The following RGS6 variants were observed in gnomAD, a reference collection of about 807,000 sequenced individuals.
RGS6 encodes the protein regulator of G protein signaling 6, also known as regulator of G-protein signaling 6.
A neutral mutation model predicts 78.5 loss-of-function variants in RGS6; 30 were observed. That is an observed-to-expected ratio of 0.38 (90% CI 0.29 to 0.52). RGS6 has a LOEUF of 0.52. RGS6 is among the 20% of genes least tolerant of loss of function. The probability of loss-of-function intolerance (pLI) is 0.85; values close to 1 mark genes in which losing one functional copy is unlikely to be tolerated. For synonymous variants in RGS6, 206 were observed against 206.0 expected (o/e 1.00, Z 0.00); for missense variants, 495 against 609.7 (o/e 0.81, Z 1.98).
chr14:71,917,070 G>C, the RGS6 span, among the ~76,000 whole-genome samples: 1 of 152,184 alleles, frequency 6.6e-6, no homozygotes, highest in African/African-American at 2.4e-5. Flanking sequence ...TCATCACTTT[G>C]GGACTGCACT....
At chr14:72,547,455 G>GA (rs58121462) in intron 17 of RGS6, 30,046 of 816,636 alleles carry the variant, frequency 0.037, 866 homozygotes, top group East Asian at 0.12. Flanking sequence ...TTAAAATAGT[G>GA]ATGAGTGTCC....
chr14:72,250,518 A>G (rs2055474876), intron 2 of RGS6, among the ~76,000 whole-genome samples: 2 of 152,160 alleles, frequency 1.3e-5, no homozygotes, highest in East Asian at 3.8e-4. Flanking sequence ...TATCTGAGAA[A>G]GAAGGGGAAA....
chr14:72,019,317 T>A (rs1212875676), intron 2 of RGS6, among the ~76,000 whole-genome samples: 2 of 152,224 alleles, frequency 1.3e-5, no homozygotes, highest in Non-Finnish European at 2.9e-5. Context: ...CTATTTTCCA[T>A]CTAACACTCC....
chr14:72,292,398 C>T (rs1212985297), intron 2 of RGS6, among the ~76,000 whole-genome samples: 1 of 152,142 alleles, frequency 6.6e-6, no homozygotes, highest in African/African-American at 2.4e-5. Flanking sequence ...TCTGGCTGGA[C>T]AGGAGAAATT....
intron 2 of RGS6, among the ~76,000 whole-genome samples, chr14:72,226,067 G>A (rs2048059308): frequency 2.6e-5 from 4 of 152,152 alleles, no homozygotes; most frequent in Admixed American, 1.3e-4. Context: ...GTTTAAGGGT[G>A]TTTAGATGTA....
At chr14:72,354,347 C>T (rs529352640) in intron 3 of RGS6, among the ~76,000 whole-genome samples, 12 of 151,814 alleles carry the variant, frequency 7.9e-5, no homozygotes, top group South Asian at 2.1e-4. Flanking sequence ...GATAGGGGGC[C>T]GGGTGCCGTG....
intron 16 of RGS6, among the ~76,000 whole-genome samples, chr14:72,538,551 C>A (rs1397511950): frequency 6.6e-6 from 1 of 152,206 alleles, no homozygotes; most frequent in African/African-American, 2.4e-5. Context: ...CCAATGGCCA[C>A]CCTCTGTGAG....
rs75736325 is a variant in RGS6 at position 71,956,408 on chromosome 14, G to A, written c.-20-8364G>A. Among the ~76,000 whole-genome samples the A allele has an allele frequency of 5.3e-5, 8 of 151,558 alleles. No individual in the cohort carries two copies. In the East Asian group the frequency reaches 5.8e-4, roughly 11 times the overall value. On this transcript the variant is annotated intron_variant, in intron 1 of 17. Coordinates refer to ENST00000553525, the MANE Select transcript of RGS6 (RefSeq NM_001204424.2). ...AGTATATATATAACAGTGTGTGTGT[G>A]TATATATATGTAGGAGTTTATTAAG...
At chr14:72,154,513 G>A (rs892056107) in intron 2 of RGS6, among the ~76,000 whole-genome samples, 2 of 152,122 alleles carry the variant, frequency 1.3e-5, no homozygotes, top group African/African-American at 4.8e-5. Context: ...TGTTTGGGGG[G>A]GGTCCCTGAC....
chr14:72,144,506 T>C (rs1214055270), intron 2 of RGS6, among the ~76,000 whole-genome samples: 3 of 152,250 alleles, frequency 2.0e-5, no homozygotes, highest in Non-Finnish European at 4.4e-5. Flanking sequence ...AAGTCTTTTA[T>C]TCTGCAAGAG....
chr14:71,965,762 A>G (rs544884208), intron 2 of RGS6, among the ~76,000 whole-genome samples: 2 of 152,108 alleles, frequency 1.3e-5, no homozygotes, highest in African/African-American at 4.8e-5. Context: ...AGGCTCTAGG[A>G]GAGAGATTTC....
chr14:72,460,268 A>G (rs1030893402), intron 6 of RGS6, among the ~76,000 whole-genome samples: 3 of 152,330 alleles, frequency 2.0e-5, no homozygotes, highest in African/African-American at 7.2e-5. Flanking sequence ...AGTGGAGATT[A>G]TTTAATATTC....
At chr14:71,955,174 C>A (rs1381305622) in intron 1 of RGS6, among the ~76,000 whole-genome samples, 1 of 152,190 alleles carries the variant, frequency 6.6e-6, no homozygotes, top group Non-Finnish European at 1.5e-5. Flanking sequence ...TCCCTAACTA[C>A]TATTCCTCAG....
At chr14:72,127,202 A>C (rs539571435) in intron 2 of RGS6, among the ~76,000 whole-genome samples, 1 of 152,330 alleles carries the variant, frequency 6.6e-6, no homozygotes, top group African/African-American at 2.4e-5. Context: ...AGTTATAAAA[A>C]TAGGAAAAAA....
the RGS6 span, among the ~76,000 whole-genome samples, chr14:71,927,132 A>G: frequency 6.6e-6 from 1 of 152,192 alleles, no homozygotes; most frequent in Non-Finnish European, 1.5e-5. Flanking sequence ...GGTCCAAACA[A>G]CTGGCATGAA....
chr14:72,022,098 C>T (rs973889767), intron 2 of RGS6, among the ~76,000 whole-genome samples: 1 of 152,146 alleles, frequency 6.6e-6, no homozygotes, highest in Non-Finnish European at 1.5e-5. Flanking sequence ...CCACAAGAGA[C>T]ATGATCTTGT....
At chr14:72,338,043 C>G (rs142910780) in intron 2 of RGS6, among the ~76,000 whole-genome samples, 1 of 152,190 alleles carries the variant, frequency 6.6e-6, no homozygotes, top group East Asian at 1.9e-4. Flanking sequence ...TTTGCCTGAG[C>G]CTGCATAGCT....
At chr14:72,281,220 C>G (rs1213459297) in intron 2 of RGS6, among the ~76,000 whole-genome samples, 1 of 147,910 alleles carries the variant, frequency 6.8e-6, no homozygotes, top group Admixed American at 6.8e-5. Context: ...GCAATCTCAG[C>G]TCACTGTAGC....
intron 2 of RGS6, among the ~76,000 whole-genome samples, chr14:72,096,931 G>A (rs2095421210): frequency 6.6e-6 from 1 of 152,202 alleles, no homozygotes. Flanking sequence ...GATTGAAAGG[G>A]TTATCAAAAG....
Sources: allele counts gnomAD v4.1 joint callset (sites outside exome capture counted in the v4.1 genomes callset), GRCh38; gene constraint gnomAD v4.1.1; transcripts MANE v1.5; gene names NCBI Gene and HGNC (gene_info 2026-07-23, HGNC 2026-07-21).